Variants in PLCB3 observed in about 807,000 individuals in gnomAD.
PLCB3 encodes the protein 1-phosphatidylinositol 4,5-bisphosphate phosphodiesterase beta-3.
In PLCB3, 54 loss-of-function variants were observed where a neutral mutation model predicts 152.1. The observed-to-expected ratio is 0.36, with a 90% CI of 0.29 to 0.45. The LOEUF (loss-of-function observed/expected upper bound fraction) is 0.45, where lower values mean the gene tolerates loss of function less well. Ranked by LOEUF, PLCB3 falls within the 20% of genes least tolerant of loss-of-function variation. The pLI, the probability that PLCB3 is intolerant of heterozygous loss-of-function variation, is 1.00. For missense variants in PLCB3, 1,248 were observed against 1,687.5 expected (o/e 0.74, Z 4.56); for synonymous variants, 717 against 698.7 (o/e 1.03, Z -0.41).
chr11:64,254,337 A>C lies in PLCB3; in HGVS notation c.100-78A>C, dbSNP rs1744832607. ...CTCATGGGCAGGAACTCTGGGGTGC[A>C]TGATGGGAGGGCCCCAGGGGCCAGG... On this transcript the variant is annotated intron_variant, in intron 1 of 30. Transcript: ENST00000279230. 14 of 1,183,320 alleles carry C rather than the reference A, an allele frequency of 1.2e-5. No individual in the cohort carries two copies. In the Admixed American group the frequency reaches 2.4e-4, roughly 20 times the overall value. The allele number at this position is 1,183,320 out of a possible 1,614,324, so 73.3% of individuals were successfully genotyped here.
Position 64,263,508 on chromosome 11 carries a change from C to T in PLCB3, c.2366C>T (p.Pro789Leu), listed in dbSNP as rs1433734734. Residue 789 changes from proline to leucine, a missense_variant, in exon 20 of 31, where the codon CCC becomes CTC. Coordinates refer to ENST00000279230, the MANE Select transcript of PLCB3 (RefSeq NM_000932.5). Reference sequence around the variant, plus strand: ...CAGTCTGGCCCACAGGTGGTGCTGCCCACGCTGGCTTCACTTCGCATTGCA... The same window carrying T: ...CAGTCTGGCCCACAGGTGGTGCTGCTCACGCTGGCTTCACTTCGCATTGCA... ...EPFDFPKVVL[P>L]TLASLRIAAF... The T allele has an allele frequency of 1.3e-6, 2 of 1,555,874 alleles. No individual in the cohort carries two copies. Among genetic ancestry groups the T allele is most frequent in the Non-Finnish European group, 1.7e-6 (2 of 1,149,742 alleles).
chr11:64,266,026 A>T lies in PLCB3; in HGVS notation c.3176A>T (p.Glu1059Val), dbSNP rs1202509808. The T allele has an allele frequency of 2.5e-6, 4 of 1,613,986 alleles. No homozygotes were observed. Among genetic ancestry groups the T allele is most frequent in the Admixed American group, 1.7e-5 (1 of 60,020 alleles). Residue 1059 changes from glutamate to valine, a missense_variant, in exon 26 of 31, where the codon GAA (glutamate) becomes GTA (valine). By Grantham distance (121) the Glu-to-Val change is moderately radical. This residue lies in a region of PLCB3 where 477 missense variants were observed against 489.6 expected (regional missense o/e 0.97). Coordinates refer to ENST00000279230, the MANE Select transcript of PLCB3 (RefSeq NM_000932.5). This position sits in a 1 kb window ranked among gnomAD's most constrained non-coding sequence, Gnocchi z 4.9. ...QVDAEAQRRL[E>V]HLRQALQRLR... is the part of the protein sequence containing the mutation. ...GACGCAGAGGCCCAGCGGAGGCTGG[A>T]ACACCTGAGACAGGTAGGGGGCCTG...
chr11:64,254,620 A>C, intron 2 of PLCB3, 128 bp downstream of exon 2: 1 of 1,349,110 alleles, frequency 7.4e-7, no homozygotes, highest in Non-Finnish European at 1.1e-6. Context: ...GGAAGTGCTC[A>C]GGGCAGGAGC....
At chr11:64,259,917 C>A (rs902630158) in intron 13 of PLCB3, 112 bp from the exon 14 acceptor site, 9 of 831,340 alleles carry the variant, frequency 1.1e-5, no homozygotes, top group Non-Finnish European at 1.5e-5. Flanking sequence ...CCTGAGAGTA[C>A]CCCTTGAATT....
In PLCB3 at chr11:64,265,934, A is replaced by G; in HGVS notation, c.3084A>G (p.Ala1028=). The G allele has an allele frequency of 6.2e-7, 1 of 1,613,730 alleles. No individual in the cohort carries two copies. The highest frequency in any genetic ancestry group is 8.5e-7 in the Non-Finnish European group (1 of 1,180,004). The change falls in exon 26 of 31, where the codon GCA becomes GCG. Residue 1028 remains alanine, a synonymous_variant. Coordinates refer to ENST00000279230, the MANE Select transcript of PLCB3 (RefSeq NM_000932.5). ...VEDTKEGEDE[A]KRYQEFQNRQ... ...ACACGAAGGAGGGGGAGGACGAGGC[A>G]AAGCGGTATCAGGAGTTCCAGAACA...
At chr11:64,262,586 CA>C (rs776310892) in intron 18 of PLCB3, 25 bp downstream of exon 18, 3 of 1,612,634 alleles carry the variant, frequency 1.9e-6, no homozygotes, top group African/African-American at 1.3e-5. Context: ...CGGCTCAGGC[CA>C]GGGGTGTCCT....
intron 12 of PLCB3, 25 bp from the exon 13 acceptor site, chr11:64,259,033 C>A: frequency 9.3e-6 from 15 of 1,611,988 alleles, no homozygotes; most frequent in Non-Finnish European, 1.3e-5. Context: ...CGGTCCAGGG[C>A]CCTGACTCGT....
At chr11:64,254,367 C>T in intron 1 of PLCB3, 48 bp from the exon 2 acceptor site, 1 of 1,481,056 alleles carries the variant, frequency 6.8e-7, no homozygotes. Flanking sequence ...GCCAGGCCTG[C>T]ACCACAGCCC....
chr11:64,251,970 G>A (rs2031229983), intron 1 of PLCB3, among the ~76,000 whole-genome samples: 1 of 151,680 alleles, frequency 6.6e-6, no homozygotes, highest in Non-Finnish European at 1.5e-5. Context: ...TCCACTCCTT[G>A]GCGCAGAGAC....
intron 17 of PLCB3, 110 bp from the exon 18 acceptor site, chr11:64,262,297 G>A (rs2031892168): frequency 6.4e-6 from 9 of 1,408,030 alleles, no homozygotes; most frequent in South Asian, 5.0e-5. Flanking sequence ...ATTTGAGCCC[G>A]CCCCTGACCC....
At position 64,267,030 on chromosome 11, in the gene PLCB3, G is replaced by A. The variant is rs1004668597; in HGVS notation, c.3415-155G>A. Among the ~76,000 whole-genome samples the A allele has an allele frequency of 6.6e-6, 1 of 152,014 alleles. No individual in the cohort carries two copies. Among genetic ancestry groups the A allele is most frequent in the African/African-American group, 2.4e-5 (1 of 41,404 alleles). ...GCTGTTCTCGAACTCCTGACCTCAG[G>A]TGATCCGCCCGCCTTGGCCTCCCAA... On this transcript the variant is annotated intron_variant, in intron 29 of 30. Coordinates refer to ENST00000279230, the MANE Select transcript of PLCB3 (RefSeq NM_000932.5). This position sits in a 1 kb window ranked among gnomAD's most constrained non-coding sequence, Gnocchi z 5.2.
At position 64,267,626 on chromosome 11, in the gene PLCB3, T is replaced by A. The variant is rs533215507; in HGVS notation, c.*70T>A. 2.0e-6 allele frequency: 2 copies of A among 997,254 alleles called. No homozygotes were observed. The highest frequency in any genetic ancestry group is 5.8e-5 in the Admixed American group (2 of 34,664). The allele number at this position is 997,254 out of a possible 1,614,324, so 61.8% of individuals were successfully genotyped here. On this transcript the variant is annotated 3_prime_UTR_variant, in exon 31 of 31. Coordinates refer to ENST00000279230, the MANE Select transcript of PLCB3 (RefSeq NM_000932.5). The surrounding 1 kb of genome is among the most constrained non-coding windows in gnomAD (Gnocchi z 5.2). ...GGAGGGCAGGAGGCAATGACACTAA[T>A]GCTTTTTTTTTTTTTTTTTAACTTT... is the stretch of plus-strand genomic sequence containing the variant.
chr11:64,262,758 G>A lies in PLCB3; in HGVS notation c.2305G>A (p.Gly769Arg). The change falls in exon 19 of 31, where the codon GGG (glycine) becomes AGG (arginine). Residue 769 changes from glycine (G) to arginine (R), a missense_variant. Coordinates refer to ENST00000279230, the MANE Select transcript of PLCB3 (RefSeq NM_000932.5). ...RRKYRTRTSQ[G>R]NSFNPVWDEE... Reference sequence around the variant, plus strand: ...CAAGTACCGCACCCGGACCTCTCAGGGGAACTCGTTCAACCCCGTGTGGGA... The same window carrying A: ...CAAGTACCGCACCCGGACCTCTCAGAGGAACTCGTTCAACCCCGTGTGGGA... The A allele has an allele frequency of 6.2e-7, 1 of 1,613,840 alleles. No individual in the cohort carries two copies. The highest frequency in any genetic ancestry group is 8.5e-7 in the Non-Finnish European group (1 of 1,180,016).
In PLCB3 at chr11:64,267,474, C is replaced by T. The variant is rs1179321174; in HGVS notation, c.3623C>T (p.Ala1208Val). ...GLGDGPLVAC[A>V]SNGHAPGSSG... ...GGGGACGGGCCTCTGGTGGCCTGTG[C>T]CAGCAACGGTCACGCACCCGGGAGC... is the stretch of plus-strand genomic sequence containing the variant. The change falls in exon 31 of 31, where the codon GCC becomes GTC. Residue 1208 changes from alanine to valine, a missense_variant. Physicochemically the swap from Ala to Val is moderately conservative, Grantham distance 64 (BLOSUM62 0). Coordinates refer to ENST00000279230, the MANE Select transcript of PLCB3 (RefSeq NM_000932.5). The surrounding 1 kb of genome is among the most constrained non-coding windows in gnomAD (Gnocchi z 5.2). 7.0e-6 allele frequency: 11 copies of T among 1,563,778 alleles called. No individual in the cohort carries two copies. Among genetic ancestry groups the T allele is most frequent in the East Asian group, 2.3e-5 (1 of 42,556 alleles).
chr11:64,254,366 G>A (rs767814258), intron 1 of PLCB3, 49 bp from the exon 2 acceptor site: 18 of 1,493,418 alleles, frequency 1.2e-5, no homozygotes, highest in Non-Finnish European at 1.6e-5. Context: ...GGCCAGGCCT[G>A]CACCACAGCC....
In PLCB3 at chr11:64,259,128, G is replaced by A. The variant is rs2031700763; in HGVS notation, c.1409G>A (p.Arg470Gln). The A allele has an allele frequency of 7.4e-6, 12 of 1,611,922 alleles. No homozygotes were observed. Among genetic ancestry groups the A allele is most frequent in the East Asian group, 4.5e-5 (2 of 44,828 alleles). ...MGRILVKNKKRHRPSAGGPDS... is the reference protein window; with the variant it reads ...MGRILVKNKKQHRPSAGGPDS... ...CGTATCCTGGTGAAGAACAAGAAGC[G>A]GCACCGACCCAGCGCAGGTGGCCCA... Residue 470 changes from arginine (R) to glutamine (Q), a missense_variant, in exon 13 of 31, where the codon CGG becomes CAG. By Grantham distance (43) the Arg-to-Gln change is conservative. Coordinates refer to ENST00000279230, the MANE Select transcript of PLCB3 (RefSeq NM_000932.5).
Position 64,265,363 on chromosome 11 carries a change from C to A in PLCB3, c.2896C>A (p.Leu966Ile). The A allele has an allele frequency of 6.2e-7, 1 of 1,611,704 alleles. No individual in the cohort carries two copies. Among genetic ancestry groups the A allele is most frequent in the Non-Finnish European group, 8.5e-7 (1 of 1,179,282 alleles). Residue 966 changes from leucine (L) to isoleucine (I), a missense_variant, in exon 25 of 31, where the codon CTC becomes ATC. Around this residue, in one of 6 missense-constraint regions of PLCB3, gnomAD observed 477 missense variants for 489.6 expected, o/e 0.97. Transcript: ENST00000279230. ...ELRGHKALVK[L>I]RSRQERDLRE... ...CCGAGGTCACAAGGCTCTGGTCAAG[C>A]TCCGGAGCCGGCAAGAGCGAGACCT...
intron 8 of PLCB3, 47 bp from the exon 9 acceptor site, chr11:64,256,329 G>A (rs1036960072): frequency 6.3e-7 from 1 of 1,579,610 alleles, no homozygotes; most frequent in South Asian, 1.1e-5. Context: ...CGACGGGGTG[G>A]GAGCCCTGCC....
Position 64,258,428 on chromosome 11 carries a change from G to T in PLCB3, c.1013-45G>T, listed in dbSNP as rs775319705. On this transcript the variant is annotated intron_variant, in intron 10 of 30. Transcript: ENST00000279230. This position sits in a 1 kb window ranked among gnomAD's most constrained non-coding sequence, Gnocchi z 7.2. ...CCAGGTGGGGCCGGGGTGGTGAGGA[G>T]CTGGGCTGGTGGGCGGCCTCGGTGA... 4.4e-6 allele frequency: 7 copies of T among 1,597,950 alleles called. No homozygotes were observed. Among genetic ancestry groups the T allele is most frequent in the Non-Finnish European group, 6.0e-6 (7 of 1,173,462 alleles).
Sources: allele counts gnomAD v4.1 joint callset (sites outside exome capture counted in the v4.1 genomes callset), GRCh38; gene constraint gnomAD v4.1.1; regional missense constraint gnomAD v4.1.1; non-coding constraint Gnocchi (gnomAD v3.1); transcripts MANE v1.5; gene names NCBI Gene and HGNC (gene_info 2026-07-23, HGNC 2026-07-21).